The following CLSTN2 variants were observed in gnomAD, a reference collection of about 807,000 sequenced individuals.
The protein encoded by CLSTN2 is calsyntenin 2, also known as calsyntenin-2.
CLSTN2 carries 48 observed loss-of-function variants against 101.2 expected under a neutral mutation model. The observed-to-expected ratio is 0.47, with a 90% CI of 0.38 to 0.60. The LOEUF (loss-of-function observed/expected upper bound fraction) is 0.60, where lower values mean the gene tolerates loss of function less well. Ranked by LOEUF, CLSTN2 falls within the 20% of genes least tolerant of loss-of-function variation. The pLI, the probability that CLSTN2 is intolerant of heterozygous loss-of-function variation, is 0.00. For synonymous variants in CLSTN2, 481 were observed against 463.6 expected (o/e 1.04, Z -0.48); for missense variants, 1,160 against 1,238.2 (o/e 0.94, Z 0.95).
intron 11 of CLSTN2, among the ~76,000 whole-genome samples, 180 bp from the exon 12 acceptor site, chr3:140,558,460 C>A (rs889403070): frequency 1.3e-5 from 2 of 152,196 alleles, no homozygotes; most frequent in African/African-American, 2.4e-5. Flanking sequence ...GTCCCTAGAT[C>A]ACTAGTGGTT....
intron 16 of CLSTN2, among the ~76,000 whole-genome samples, chr3:140,565,056 G>A (rs571673228): frequency 5.3e-4 from 81 of 152,342 alleles, no homozygotes; most frequent in Middle Eastern, 3.4e-3. Flanking sequence ...TGAGCTCAGT[G>A]CTATACAGAC....
At chr3:140,151,247 C>T (rs2009860150) in intron 1 of CLSTN2, among the ~76,000 whole-genome samples, 1 of 152,002 alleles carries the variant, frequency 6.6e-6, no homozygotes, top group Non-Finnish European at 1.5e-5. Flanking sequence ...GTGGTTGTCA[C>T]AGGAAAATTA....
intron 2 of CLSTN2, among the ~76,000 whole-genome samples, chr3:140,284,241 TA>T (rs1207206075): frequency 2.6e-5 from 4 of 151,962 alleles, no homozygotes; most frequent in African/African-American, 7.3e-5. Flanking sequence ...TAAATTCTAT[TA>T]TTTTTTTTAA....
intron 1 of CLSTN2, among the ~76,000 whole-genome samples, chr3:140,103,962 G>A (rs1452286499): frequency 2.6e-5 from 4 of 152,324 alleles, no homozygotes; most frequent in South Asian, 2.1e-4. Flanking sequence ...CATGATTGAT[G>A]GAGAAAGGAG....
Position 140,015,740 on chromosome 3 carries a change from C to T in CLSTN2, c.109+80257C>T, listed in dbSNP as rs966878976. 3.9e-5 allele frequency among the ~76,000 whole-genome samples: 6 copies of T among 152,214 alleles called. 1 individual carries two copies. Among genetic ancestry groups the T allele is most frequent in the Non-Finnish European group, 7.3e-5 (5 of 68,042 alleles). On this transcript the variant is annotated intron_variant, in intron 1 of 16. Coordinates refer to ENST00000458420, the MANE Select transcript of CLSTN2 (RefSeq NM_022131.3). ...GACTGTGGAAGCTGGGCCTAGGGCC[C>T]GATGATCAGGCCTGTCTGCCTAGAG...
chr3:140,322,417 G>C (rs1053703090), intron 2 of CLSTN2, among the ~76,000 whole-genome samples: 5 of 152,206 alleles, frequency 3.3e-5, no homozygotes, highest in Admixed American at 6.5e-5. Flanking sequence ...AGATGCTGGT[G>C]GGGGAGATGG....
At chr3:140,530,047 C>G (rs917453051) in intron 8 of CLSTN2, among the ~76,000 whole-genome samples, 11 of 152,262 alleles carry the variant, frequency 7.2e-5, no homozygotes, top group African/African-American at 1.9e-4. Flanking sequence ...AAAAATACCT[C>G]CAGCCTTTGA....
intron 1 of CLSTN2, among the ~76,000 whole-genome samples, chr3:139,993,689 C>A (rs1936154290): frequency 6.6e-6 from 1 of 152,192 alleles, no homozygotes; most frequent in African/African-American, 2.4e-5. Context: ...ATGCTGAGGT[C>A]CCAAACAGTG....
intron 9 of CLSTN2, among the ~76,000 whole-genome samples, chr3:140,533,686 G>A (rs1935304759): frequency 6.8e-6 from 1 of 147,080 alleles, no homozygotes; most frequent in African/African-American, 2.6e-5. Flanking sequence ...ACTCCAGCCT[G>A]GGCAATGGAA....
intron 1 of CLSTN2, among the ~76,000 whole-genome samples, chr3:140,148,934 G>A (rs919298889): frequency 2.6e-5 from 4 of 152,162 alleles, no homozygotes; most frequent in Non-Finnish European, 4.4e-5. Flanking sequence ...TTGTTAGTAG[G>A]CAGTGGTTTA....
chr3:140,248,799 C>T (rs188128797), intron 2 of CLSTN2, among the ~76,000 whole-genome samples: 1 of 152,302 alleles, frequency 6.6e-6, no homozygotes, highest in East Asian at 1.9e-4. Flanking sequence ...ACATGAGAGA[C>T]AGAAGGAACT....
At chr3:140,497,815 A>G (rs1289057389) in intron 8 of CLSTN2, among the ~76,000 whole-genome samples, 4 of 152,186 alleles carry the variant, frequency 2.6e-5, no homozygotes, top group African/African-American at 9.6e-5. Flanking sequence ...CAAGACCCTG[A>G]TGGCATGGAC....
chr3:140,493,173 CT>C (rs1335656456), intron 8 of CLSTN2, among the ~76,000 whole-genome samples: 1 of 152,164 alleles, frequency 6.6e-6, no homozygotes, highest in Non-Finnish European at 1.5e-5. Flanking sequence ...CTGGGTTTAC[CT>C]TTTTGGCCTT....
intron 1 of CLSTN2, among the ~76,000 whole-genome samples, chr3:140,143,757 C>A (rs1300791345): frequency 1.3e-5 from 2 of 152,186 alleles, no homozygotes; most frequent in Non-Finnish European, 2.9e-5. Flanking sequence ...ACTTCCAACC[C>A]TCCTTTGCCT....
intron 8 of CLSTN2, among the ~76,000 whole-genome samples, chr3:140,472,917 C>T (rs1412336575): frequency 6.6e-6 from 1 of 152,180 alleles, no homozygotes; most frequent in African/African-American, 2.4e-5. Flanking sequence ...CAGTCATATT[C>T]TAGTCCCTCT....
intron 5 of CLSTN2, among the ~76,000 whole-genome samples, chr3:140,421,731 G>A (rs982346674): frequency 2.6e-5 from 4 of 152,150 alleles, no homozygotes; most frequent in African/African-American, 9.7e-5. Flanking sequence ...TCCAGACTCT[G>A]GATTAGGGAA....
At chr3:140,251,579 C>CTTCTGTTCCT (rs2086563569) in intron 2 of CLSTN2, among the ~76,000 whole-genome samples, 2 of 53,022 alleles carry the variant, frequency 3.8e-5, no homozygotes, top group East Asian at 4.4e-4. Flanking sequence ...CAACTCTTAG[C>CTTCTGTTCCT]TTCCGTTCCT....
At chr3:140,173,173 C>T (rs1473030563) in intron 1 of CLSTN2, among the ~76,000 whole-genome samples, 1 of 152,178 alleles carries the variant, frequency 6.6e-6, no homozygotes, top group African/African-American at 2.4e-5. Flanking sequence ...GGGATGCAGA[C>T]ATTGGGTAAA....
rs763278961 is a variant in CLSTN2 at position 140,466,781 on chromosome 3, G to A, written c.1344+50G>A. 1.9e-6 allele frequency: 3 copies of A among 1,610,318 alleles called. No individual in the cohort carries two copies. The Admixed American group carries it at 5.0e-5, about 27-fold the overall frequency. On this transcript the variant is annotated intron_variant, in intron 8 of 16. Transcript: ENST00000458420. The stretch of plus-strand genomic sequence containing the variant: ...TGCTACTCATGCCTCTGCGGGGGTG[G>A]CCAGTCCAATCCAATGGTGATGGCA...
Sources: allele counts gnomAD v4.1 joint callset (sites outside exome capture counted in the v4.1 genomes callset), GRCh38; gene constraint gnomAD v4.1.1; transcripts MANE v1.5; gene names NCBI Gene and HGNC (gene_info 2026-07-23, HGNC 2026-07-21).